The following DDX17 variants were observed in gnomAD, a reference collection of about 807,000 sequenced individuals.
DDX17 encodes the protein DEAD-box helicase 17.
A neutral mutation model predicts 80.8 loss-of-function variants in DDX17; 10 were observed. That is an observed-to-expected ratio of 0.12 (90% CI 0.08 to 0.21). The LOEUF (loss-of-function observed/expected upper bound fraction) is 0.21. Ranked by LOEUF, DDX17 falls within the 10% of genes least tolerant of loss-of-function variation. The pLI is 1.00. For missense variants in DDX17, 586 were observed against 957.4 expected (o/e 0.61, Z 5.12); for synonymous variants, 339 against 336.2 (o/e 1.01, Z -0.09).
At chr22:38,497,000 T>C (rs1377704362) in intron 5 of DDX17, among the ~76,000 whole-genome samples, 2 of 152,228 alleles carry the variant, frequency 1.3e-5, no homozygotes, top group South Asian at 4.2e-4. Flanking sequence ...CAAGCTTATT[T>C]CTTAAAAAAG....
chr22:38,501,940 T>C (rs772840152), intron 1 of DDX17, among the ~76,000 whole-genome samples: 1 of 152,120 alleles, frequency 6.6e-6, no homozygotes, highest in African/African-American at 2.4e-5. Flanking sequence ...AAAGGGAAGA[T>C]TGTGGACAAG....
intron 11 of DDX17, chr22:38,491,353 A>C (rs1275276256): frequency 2.0e-5 from 3 of 152,146 alleles, no homozygotes; most frequent in African/African-American, 7.2e-5. Context: ...AAAATATAGA[A>C]GTTCTGAGTT....
chr22:38,498,989 G>C (rs1335588835), intron 3 of DDX17, among the ~76,000 whole-genome samples: 1 of 152,192 alleles, frequency 6.6e-6, no homozygotes, highest in Non-Finnish European at 1.5e-5. Context: ...TTCAGCCTGG[G>C]TGACAACGTT....
intron 1 of DDX17, among the ~76,000 whole-genome samples, 184 bp from the exon 2 acceptor site, chr22:38,501,464 A>G (rs976533352): frequency 1.3e-5 from 2 of 152,226 alleles, no homozygotes; most frequent in African/African-American, 4.8e-5. Flanking sequence ...CTACCCAACA[A>G]TAAATACTGT....
chr22:38,499,290 T>C (rs1019060596), intron 3 of DDX17, 110 bp downstream of exon 3: 1 of 788,548 alleles, frequency 1.3e-6, no homozygotes, highest in Non-Finnish European at 2.2e-6. Flanking sequence ...AAACAATCTC[T>C]TGTCCTTTCA....
chr22:38,503,955 A>T (rs1290877471), intron 1 of DDX17, among the ~76,000 whole-genome samples: 1 of 152,210 alleles, frequency 6.6e-6, no homozygotes, highest in Non-Finnish European at 1.5e-5. Flanking sequence ...TGAAATTTTT[A>T]AAAAATGTCA....
intron 5 of DDX17, among the ~76,000 whole-genome samples, chr22:38,497,557 G>A (rs373935889): frequency 1.0e-4 from 15 of 145,378 alleles, no homozygotes; most frequent in African/African-American, 3.6e-4. Context: ...GGCGGAGGTT[G>A]CAGTGAGCTG....
chr22:38,490,132 A>T, intron 11 of DDX17: 3 of 1,157,562 alleles, frequency 2.6e-6, no homozygotes, highest in Non-Finnish European at 3.2e-6. Context: ...GGCACACAGG[A>T]GCAAGCGCAG....
At position 38,489,179 on chromosome 22, in the gene DDX17, A is replaced by G. The variant is rs1165131108; in HGVS notation, c.1448-1064T>C. 1 of 985,384 alleles carries G rather than the reference A, an allele frequency of 1.0e-6. No individual in the cohort carries two copies. The highest frequency in any genetic ancestry group is 1.7e-5 in the African/African-American group (1 of 57,236). 61.0% of individuals were successfully genotyped at this position (985,384 alleles called of 1,614,324 possible). On this transcript the variant is annotated intron_variant, in intron 11 of 12. Coordinates refer to ENST00000403230, the MANE Select transcript of DDX17 (RefSeq NM_006386.5). This position sits in a 1 kb window ranked among gnomAD's most constrained non-coding sequence, Gnocchi z 4.6. Reference sequence around the variant, plus strand: ...AGAAAATATCCTAGATAAAACACAGATTTTTGTGATATAAATAATTAAAAA... The same window carrying G: ...AGAAAATATCCTAGATAAAACACAGGTTTTTGTGATATAAATAATTAAAAA...
intron 1 of DDX17, among the ~76,000 whole-genome samples, chr22:38,503,844 T>C (rs2089854265): frequency 6.6e-6 from 1 of 152,202 alleles, no homozygotes. Flanking sequence ...ACTTCAACTG[T>C]GTAACACTCA....
At chr22:38,499,073 A>G (rs902297295) in intron 3 of DDX17, among the ~76,000 whole-genome samples, 4 of 152,178 alleles carry the variant, frequency 2.6e-5, no homozygotes, top group South Asian at 2.1e-4. Flanking sequence ...TTGAAAAACC[A>G]TTACCCTAAA....
intron 11 of DDX17, 28 bp from the exon 12 acceptor site, chr22:38,488,143 T>C: frequency 6.2e-7 from 1 of 1,613,024 alleles, no homozygotes. Context: ...AGTCAGTGTG[T>C]AGGTTGATGT....
chr22:38,494,170 GTTA>G (rs774044607), intron 8 of DDX17, 39 bp from the exon 9 acceptor site: 50 of 1,351,062 alleles, frequency 3.7e-5, no homozygotes, highest in Non-Finnish European at 4.8e-5. Context: ...CACACAGAAA[GTTA>G]TTATGTGGAC....
Position 38,489,256 on chromosome 22 carries a change from A to G in DDX17, c.1448-1141T>C, listed in dbSNP as rs968403994. ...TGCACACTCCCTCCTCCTTTGGGAA[A>G]CCGCTGCAGCCGATCCCGTCTCTTT... On this transcript the variant is annotated intron_variant, in intron 11 of 12. Transcript: ENST00000403230. The surrounding 1 kb of genome is among the most constrained non-coding windows in gnomAD (Gnocchi z 4.6). The G allele has an allele frequency of 4.1e-6, 4 of 985,692 alleles. No individual in the cohort carries two copies. In the African/African-American group the frequency reaches 7.0e-5, roughly 17 times the overall value. 61.1% of individuals were successfully genotyped at this position (985,692 alleles called of 1,614,324 possible).
Position 38,506,287 on chromosome 22 carries a change from C to T in DDX17, c.-50G>A, listed in dbSNP as rs750209618. 8 of 1,511,432 alleles carry T rather than the reference C, an allele frequency of 5.3e-6. No individual in the cohort carries two copies. The highest frequency in any genetic ancestry group is 1.3e-5 in the South Asian group (1 of 78,946). The allele number at this position is 1,511,432 out of a possible 1,614,324, so 93.6% of individuals were successfully genotyped here. A position where few individuals can be genotyped will look rare whatever the true frequency, so the allele number is the denominator to read the frequency against. On this transcript the variant is annotated 5_prime_UTR_variant, in exon 1 of 13. Transcript: ENST00000403230. ...GTGCCGCGGTTTAGGCGTCTCCTTCCTTCCCAGCGACTGCACAAAATGGCG... is the reference window on the plus strand; with the variant it reads ...GTGCCGCGGTTTAGGCGTCTCCTTCTTTCCCAGCGACTGCACAAAATGGCG...
At chr22:38,490,338 G>A in intron 11 of DDX17, 1 of 1,289,228 alleles carries the variant, frequency 7.8e-7, no homozygotes, top group Non-Finnish European at 1.0e-6. Flanking sequence ...TAATAAGGAG[G>A]GACTAAGTCT....
chr22:38,490,226 T>C, intron 11 of DDX17: 1 of 1,224,296 alleles, frequency 8.2e-7, no homozygotes, highest in Non-Finnish European at 1.0e-6. Context: ...TAGAAGATGC[T>C]GTAGCAGGGT....
In DDX17 at chr22:38,494,138, A is replaced by G; in HGVS notation, c.1215-7T>C. ...TTCCATTAGTTGGATCAACCTGAAA[A>G]CATGACCAACAATGCAGTCATCACA... On this transcript the variant is annotated splice_region_variant and splice_polypyrimidine_tract_variant and intron_variant, in intron 8 of 12. Coordinates refer to ENST00000403230, the MANE Select transcript of DDX17 (RefSeq NM_006386.5). The G allele has an allele frequency of 6.3e-7, 1 of 1,577,008 alleles. No individual in the cohort carries two copies. Among genetic ancestry groups the G allele is most frequent in the Middle Eastern group, 1.7e-4 (1 of 5,980 alleles).
intron 10 of DDX17, among the ~76,000 whole-genome samples, chr22:38,492,680 T>C (rs530365454): frequency 2.6e-5 from 4 of 152,114 alleles, no homozygotes; most frequent in Admixed American, 1.3e-4. Flanking sequence ...GAGACGGGGT[T>C]TCTCCATGTT....
Sources: gnomAD v4.1 joint callset for allele counts (sites outside exome capture counted in the v4.1 genomes callset) on GRCh38, gnomAD v4.1.1 for gene constraint, Gnocchi (gnomAD v3.1) non-coding constraint, MANE v1.5 for transcripts, NCBI Gene and HGNC (gene_info 2026-07-23, HGNC 2026-07-21) for gene names.